The following OSBPL10 variants were observed in gnomAD, a reference collection of about 807,000 sequenced individuals.
OSBPL10 encodes oxysterol binding protein like 10, also known as oxysterol-binding protein-related protein 10.
A neutral mutation model predicts 81.7 loss-of-function variants in OSBPL10; 49 were observed. The ratio of observed to expected loss-of-function variants is 0.60; its 90% confidence interval spans 0.48 to 0.76. The LOEUF is 0.76. OSBPL10 is among the 30% of genes least tolerant of loss of function. The pLI, the probability that OSBPL10 is intolerant of heterozygous loss-of-function variation, is 0.00. For synonymous variants in OSBPL10, 419 were observed against 383.6 expected (o/e 1.09, Z -1.08); for missense variants, 923 against 987.8 (o/e 0.93, Z 0.88).
intron 4 of OSBPL10, among the ~76,000 whole-genome samples, chr3:31,777,235 A>C (rs1375359669): frequency 6.6e-6 from 1 of 152,228 alleles, no homozygotes; most frequent in African/African-American, 2.4e-5. Flanking sequence ...TCTGGATCAC[A>C]GGAAATAATG....
intron 6 of OSBPL10, among the ~76,000 whole-genome samples, chr3:31,709,957 TTA>T (rs1696198319): frequency 6.6e-6 from 1 of 152,188 alleles, no homozygotes; most frequent in South Asian, 2.1e-4. Context: ...GCAAAGCTGT[TTA>T]TGATTGTGGG....
rs1448331659 is a variant in OSBPL10 at position 31,837,318 on chromosome 3, AAATTATATATATATATATATATATAT to A, written c.538-7113_538-7088del. ...TATATTCCTAGAATTACAGATCCCC[AAATTATATATATATATATATATATAT>A]ATATATATATATATATATATATATA... On this transcript the variant is annotated intron_variant, in intron 3 of 11. Transcript: ENST00000396556. 3.7e-4 allele frequency among the ~76,000 whole-genome samples: 36 copies of A among 97,558 alleles called. No homozygotes were observed. In the South Asian group the frequency reaches 8.8e-3, roughly 24 times the overall value. 64.0% of individuals were successfully genotyped at this position (97,558 alleles called of 152,430 possible). A position where few individuals can be genotyped will look rare whatever the true frequency, so the allele number is the denominator to read the frequency against.
intron 1 of OSBPL10, among the ~76,000 whole-genome samples, chr3:31,917,999 AT>A (rs1407048591): frequency 1.3e-5 from 2 of 152,120 alleles, no homozygotes; most frequent in Non-Finnish European, 2.9e-5. Flanking sequence ...AAGTGAAACC[AT>A]TTTTGACATG....
intron 3 of OSBPL10, among the ~76,000 whole-genome samples, chr3:31,860,859 T>G (rs867813143): frequency 0.07 from 7,232 of 103,942 alleles, 613 homozygotes; most frequent in African/African-American, 0.31. Context: ...TTTTTGGGGT[T>G]TTTTTTTTTG....
At chr3:31,851,807 G>A (rs1362001437) in intron 3 of OSBPL10, among the ~76,000 whole-genome samples, 1 of 152,192 alleles carries the variant, frequency 6.6e-6, no homozygotes, top group Non-Finnish European at 1.5e-5. Context: ...TGAGTCCGGT[G>A]ATCCCTGGAA....
At chr3:31,964,595 G>A (rs9846537) in intron 1 of OSBPL10, among the ~76,000 whole-genome samples, 148,451 of 152,336 alleles carry the variant, frequency 0.97, 72,357 homozygotes, top group East Asian at 1. Context: ...TTAAGTCTGA[G>A]TTGGAGTCAA....
At chr3:31,718,420 C>G (rs1027479784) in intron 6 of OSBPL10, 1 of 152,222 alleles carries the variant, frequency 6.6e-6, no homozygotes, top group Non-Finnish European at 1.5e-5. Flanking sequence ...AGTCACCATG[C>G]CCAGCCCCAG....
chr3:31,772,826 A>C (rs1427519439), intron 4 of OSBPL10, among the ~76,000 whole-genome samples: 2 of 152,168 alleles, frequency 1.3e-5, no homozygotes, highest in East Asian at 3.8e-4. Flanking sequence ...CAAATACAGA[A>C]TCTGTAATGA....
intron 2 of OSBPL10, among the ~76,000 whole-genome samples, chr3:32,017,431 TCATTGG>T (rs894267129): frequency 9.8e-5 from 15 of 152,298 alleles, no homozygotes; most frequent in Middle Eastern, 6.8e-3. Flanking sequence ...CTGGATTTTA[TCATTGG>T]TTTACAGATA....
chr3:31,978,570 C>G (rs1363060778), intron 1 of OSBPL10, among the ~76,000 whole-genome samples: 2 of 152,184 alleles, frequency 1.3e-5, no homozygotes, highest in African/African-American at 4.8e-5. Context: ...CACTAATGGA[C>G]CCTCAGCCAT....
At chr3:31,882,110 C>A (rs1695596965) in intron 1 of OSBPL10, among the ~76,000 whole-genome samples, 1 of 152,210 alleles carries the variant, frequency 6.6e-6, no homozygotes, top group Non-Finnish European at 1.5e-5. Flanking sequence ...CAGTAGAGGT[C>A]CCTACTTATG....
At chr3:31,965,433 T>A (rs1698301079) in intron 1 of OSBPL10, among the ~76,000 whole-genome samples, 1 of 84,022 alleles carries the variant, frequency 1.2e-5, no homozygotes, top group African/African-American at 8.2e-5. Flanking sequence ...ATAGATAATA[T>A]ATAATATATA....
intron 2 of OSBPL10, among the ~76,000 whole-genome samples, chr3:32,022,182 G>A (rs554310278): frequency 2.4e-4 from 36 of 152,092 alleles, no homozygotes; most frequent in Non-Finnish European, 4.6e-4. Flanking sequence ...ATATGCAGTT[G>A]TCCCAGCACC....
At chr3:31,954,133 G>A (rs972930664) in intron 1 of OSBPL10, among the ~76,000 whole-genome samples, 13 of 152,278 alleles carry the variant, frequency 8.5e-5, no homozygotes, top group African/African-American at 2.6e-4. Context: ...AATGTGTGAG[G>A]TGCCCGTGCA....
At chr3:31,719,660 C>A (rs1195415401) in intron 6 of OSBPL10, among the ~76,000 whole-genome samples, 3 of 152,218 alleles carry the variant, frequency 2.0e-5, no homozygotes, top group African/African-American at 7.2e-5. Flanking sequence ...TGTAGTAATA[C>A]TTATCAAAAT....
intron 5 of OSBPL10, among the ~76,000 whole-genome samples, chr3:31,733,690 T>TTTG (rs1553619127): frequency 3.5e-4 from 19 of 54,384 alleles, no homozygotes; most frequent in African/African-American, 1.1e-3. Flanking sequence ...AAGGTGTTTT[T>TTTG]TTTTTTTTTT....
chr3:31,752,214 A>G (rs530805404), intron 4 of OSBPL10, among the ~76,000 whole-genome samples: 1 of 152,314 alleles, frequency 6.6e-6, no homozygotes, highest in Admixed American at 6.5e-5. Flanking sequence ...ATGTTGAACC[A>G]TTTACTTTAA....
At chr3:31,897,843 A>G (rs887868822) in intron 1 of OSBPL10, among the ~76,000 whole-genome samples, 3 of 151,824 alleles carry the variant, frequency 2.0e-5, no homozygotes, top group Non-Finnish European at 4.4e-5. Context: ...CCCCATCTCT[A>G]CTAAAAATAC....
chr3:31,822,021 G>T (rs976417111), intron 4 of OSBPL10: 1 of 152,202 alleles, frequency 6.6e-6, no homozygotes, highest in Non-Finnish European at 1.5e-5. Flanking sequence ...TCATTAAAGG[G>T]TCTTCCGTAT....
Sources: allele counts gnomAD v4.1 joint callset (sites outside exome capture counted in the v4.1 genomes callset), GRCh38; gene constraint gnomAD v4.1.1; transcripts MANE v1.5; gene names NCBI Gene and HGNC (gene_info 2026-07-23, HGNC 2026-07-21).